KCNQ1OT1: variants seen among roughly 807,000 people sequenced by gnomAD.
KCNQ1OT1 encodes the protein KCNQ1 antisense RNA 2 (non-protein coding).
At position 2,658,802 on chromosome 11, in the gene KCNQ1OT1, C is replaced by T. The variant is rs1849898288; in HGVS notation, n.41193G>A. The T allele has an allele frequency of 2.5e-6, 1 of 398,426 alleles. No homozygotes were observed. The highest frequency in any genetic ancestry group is 2.1e-5 in the African/African-American group (1 of 48,594). The allele number at this position is 398,426 out of a possible 1,614,324, so 24.7% of individuals were successfully genotyped here. A position where few individuals can be genotyped will look rare whatever the true frequency, so the allele number is the denominator to read the frequency against. ...GACCAGAGTTCATCCTTGCCCCCTC[C>T]CCCACAACTTATTTATAGCTTTTTC... On this transcript the variant is annotated non_coding_transcript_exon_variant, in exon 1 of 1. Coordinates refer to ENST00000597346, the Ensembl canonical transcript of KCNQ1OT1. This position sits in a 1 kb window ranked among gnomAD's most constrained non-coding sequence, Gnocchi z 4.9.
rs961069845 is a variant in KCNQ1OT1, at chr11:2,654,206, A to G, written n.45789T>C. ...GGGCTGCGGCTCAGCAATGTCACGCAGGGCCTGGCTGCAGCTGTCCGGATG... is the reference window on the plus strand; with the variant it reads ...GGGCTGCGGCTCAGCAATGTCACGCGGGGCCTGGCTGCAGCTGTCCGGATG... On this transcript the variant is annotated non_coding_transcript_exon_variant, in exon 1 of 1. Coordinates refer to ENST00000597346, the Ensembl canonical transcript of KCNQ1OT1. This position sits in a 1 kb window ranked among gnomAD's most constrained non-coding sequence, Gnocchi z 6.4. 3.3e-5 allele frequency: 13 copies of G among 398,582 alleles called. No individual in the cohort carries two copies. Among genetic ancestry groups the G allele is most frequent in the Middle Eastern group, 6.2e-4 (1 of 1,610 alleles). The allele number at this position is 398,582 out of a possible 1,614,324, so 24.7% of individuals were successfully genotyped here.
exon 1 of KCNQ1OT1, chr11:2,615,764 A>G: frequency 5.0e-6 from 2 of 398,046 alleles, no homozygotes; most frequent in Non-Finnish European, 8.9e-6. Context: ...CCTTTTTAAT[A>G]TGCTGCTGAA....
At position 2,677,856 on chromosome 11, in the gene KCNQ1OT1, C is replaced by A. The variant is rs1850321224; in HGVS notation, n.22139G>T. 2.5e-6 allele frequency: 1 copy of A among 398,360 alleles called. No individual in the cohort carries two copies. The highest frequency in any genetic ancestry group is 4.4e-5 in the Admixed American group (1 of 22,714). 24.7% of individuals were successfully genotyped at this position (398,360 alleles called of 1,614,324 possible). A position where few individuals can be genotyped will look rare whatever the true frequency, so the allele number is the denominator to read the frequency against. On this transcript the variant is annotated non_coding_transcript_exon_variant, in exon 1 of 1. Transcript: ENST00000597346. This position sits in a 1 kb window ranked among gnomAD's most constrained non-coding sequence, Gnocchi z 4.5. ...CAAATAAGGGCTGTACCATTTACAT[C>A]ACTTTGACTGCACAAATGCACTTTC... is the stretch of plus-strand genomic sequence containing the variant.
exon 1 of KCNQ1OT1, chr11:2,680,302 T>C (rs890034780): frequency 5.3e-6 from 2 of 380,444 alleles, no homozygotes; most frequent in Non-Finnish European, 4.5e-6. Flanking sequence ...GATTAACTGA[T>C]GAAGAATTGC....
chr11:2,623,455 A>G lies in KCNQ1OT1; in HGVS notation n.76540T>C. Reference sequence around the variant, plus strand: ...TCTTCCCCAACAACCCTTGGCAACCACTGAACTTTTTACTGCCTCCATAGC... The same window carrying G: ...TCTTCCCCAACAACCCTTGGCAACCGCTGAACTTTTTACTGCCTCCATAGC... On this transcript the variant is annotated non_coding_transcript_exon_variant, in exon 1 of 1. Coordinates refer to ENST00000597346, the Ensembl canonical transcript of KCNQ1OT1. The surrounding 1 kb of genome is among the most constrained non-coding windows in gnomAD (Gnocchi z 5.2). 2.5e-6 allele frequency: 1 copy of G among 398,548 alleles called. No homozygotes were observed. The highest frequency in any genetic ancestry group is 4.4e-6 in the Non-Finnish European group (1 of 226,046). The allele number at this position is 398,548 out of a possible 1,614,324, so 24.7% of individuals were successfully genotyped here.
At position 2,698,604 on chromosome 11, in the gene KCNQ1OT1, A is replaced by C; in HGVS notation, n.1391T>G. The stretch of plus-strand genomic sequence containing the variant: ...CACCTAGAGGCAGAACTTCGACTTC[A>C]ATTCCTGACTCCCATACCCCACTGA... On this transcript the variant is annotated non_coding_transcript_exon_variant, in exon 1 of 1. Coordinates refer to ENST00000597346, the Ensembl canonical transcript of KCNQ1OT1. This position sits in a 1 kb window ranked among gnomAD's most constrained non-coding sequence, Gnocchi z 5.1. The C allele has an allele frequency of 2.5e-6, 1 of 397,962 alleles. No homozygotes were observed. The highest frequency in any genetic ancestry group is 1.3e-4 in the South Asian group (1 of 7,814). The allele number at this position is 397,962 out of a possible 1,614,324, so 24.7% of individuals were successfully genotyped here.
exon 1 of KCNQ1OT1, chr11:2,694,989 G>A: frequency 2.5e-6 from 1 of 398,736 alleles, no homozygotes. Context: ...AAGGCTGGCA[G>A]AGCCAAAGCT....
At position 2,683,494 on chromosome 11, in the gene KCNQ1OT1, C is replaced by A; in HGVS notation, n.16501G>T. On this transcript the variant is annotated non_coding_transcript_exon_variant, in exon 1 of 1. Transcript: ENST00000597346. The surrounding 1 kb of genome is among the most constrained non-coding windows in gnomAD (Gnocchi z 4.7). ...TGACAGTTTTCCTATTAAAACATAA[C>A]TTGTTAAAGCATAGAGCTTAGTTCA... 2.5e-6 allele frequency: 1 copy of A among 398,560 alleles called. No individual in the cohort carries two copies. Among genetic ancestry groups the A allele is most frequent in the Non-Finnish European group, 4.4e-6 (1 of 226,036 alleles). The allele number at this position is 398,560 out of a possible 1,614,324, so 24.7% of individuals were successfully genotyped here. A position where few individuals can be genotyped will look rare whatever the true frequency, so the allele number is the denominator to read the frequency against.
chr11:2,656,471 TC>T, exon 1 of KCNQ1OT1: 1 of 398,712 alleles, frequency 2.5e-6, no homozygotes. Flanking sequence ...CTGCTGGAAG[TC>T]TGCCACTCGC....
chr11:2,658,961 T>C lies in KCNQ1OT1; in HGVS notation n.41034A>G. ...GAGTGTTTAGGACAGACTTTTGCTT[T>C]AACCATAGAGTGTCCAGTCAAAACA... is the stretch of plus-strand genomic sequence containing the variant. On this transcript the variant is annotated non_coding_transcript_exon_variant, in exon 1 of 1. Coordinates refer to ENST00000597346, the Ensembl canonical transcript of KCNQ1OT1. The surrounding 1 kb of genome is among the most constrained non-coding windows in gnomAD (Gnocchi z 4.9). The C allele has an allele frequency of 7.5e-6, 3 of 398,598 alleles. No homozygotes were observed. Among genetic ancestry groups the C allele is most frequent in the Non-Finnish European group, 8.8e-6 (2 of 226,040 alleles). 24.7% of individuals were successfully genotyped at this position (398,598 alleles called of 1,614,324 possible).
In KCNQ1OT1 at chr11:2,612,428, T is replaced by G. The variant is rs1848996724; in HGVS notation, n.87567A>C. Reference sequence around the variant, plus strand: ...GTATCCAATGGGTATCTCTTCATTTTTCTTCATTATTTTTCTTTCTATTCT... The same window carrying G: ...GTATCCAATGGGTATCTCTTCATTTGTCTTCATTATTTTTCTTTCTATTCT... On this transcript the variant is annotated non_coding_transcript_exon_variant, in exon 1 of 1. Coordinates refer to ENST00000597346, the Ensembl canonical transcript of KCNQ1OT1. The surrounding 1 kb of genome is among the most constrained non-coding windows in gnomAD (Gnocchi z 5.5). 5.0e-6 allele frequency: 2 copies of G among 398,520 alleles called. No individual in the cohort carries two copies. The highest frequency in any genetic ancestry group is 8.8e-6 in the Non-Finnish European group (2 of 226,076). 24.7% of individuals were successfully genotyped at this position (398,520 alleles called of 1,614,324 possible). A position where few individuals can be genotyped will look rare whatever the true frequency, so the allele number is the denominator to read the frequency against.
chr11:2,613,529 C>T lies in KCNQ1OT1; in HGVS notation n.86466G>A, dbSNP rs544927222. 23 of 398,450 alleles carry T rather than the reference C, an allele frequency of 5.8e-5. No homozygotes were observed. The highest frequency in any genetic ancestry group is 1.3e-3 in the Middle Eastern group (2 of 1,588). 24.7% of individuals were successfully genotyped at this position (398,450 alleles called of 1,614,324 possible). A position where few individuals can be genotyped will look rare whatever the true frequency, so the allele number is the denominator to read the frequency against. On this transcript the variant is annotated non_coding_transcript_exon_variant, in exon 1 of 1. Coordinates refer to ENST00000597346, the Ensembl canonical transcript of KCNQ1OT1. This position sits in a 1 kb window ranked among gnomAD's most constrained non-coding sequence, Gnocchi z 4.8. The stretch of plus-strand genomic sequence containing the variant: ...CTTGGGTGGGGAGATGGCAGCCCCA[C>T]GTTAAATCATAACCCTGCTATTCTT...
rs1254556236 is a variant in KCNQ1OT1 at position 2,669,464 on chromosome 11, G to A, written n.30531C>T. ...TTTACCTTGCCCTGTAGTTTTCAGT[G>A]TGGTGGTCATGAACAGCTTGTCAGA... On this transcript the variant is annotated non_coding_transcript_exon_variant, in exon 1 of 1. Coordinates refer to ENST00000597346, the Ensembl canonical transcript of KCNQ1OT1. The surrounding 1 kb of genome is among the most constrained non-coding windows in gnomAD (Gnocchi z 5.6). 2.5e-5 allele frequency: 10 copies of A among 398,522 alleles called. No individual in the cohort carries two copies. Among genetic ancestry groups the A allele is most frequent in the Non-Finnish European group, 4.4e-5 (10 of 226,090 alleles). 24.7% of individuals were successfully genotyped at this position (398,522 alleles called of 1,614,324 possible).
rs896642447 is a variant in KCNQ1OT1, at chr11:2,643,204, A to G, written n.56791T>C. ...TGGTATAAAGTGCAGTTTAAATCCA[A>G]TGTTTCTTTGTTAATTTTTTGTCTA... On this transcript the variant is annotated non_coding_transcript_exon_variant, in exon 1 of 1. Transcript: ENST00000597346. 16 of 398,150 alleles carry G rather than the reference A, an allele frequency of 4.0e-5. No individual in the cohort carries two copies. The South Asian group carries it at 5.1e-4, about 13-fold the overall frequency. 24.7% of individuals were successfully genotyped at this position (398,150 alleles called of 1,614,324 possible). A position where few individuals can be genotyped will look rare whatever the true frequency, so the allele number is the denominator to read the frequency against.
At chr11:2,680,471 ATTT>A in exon 1 of KCNQ1OT1, 1 of 397,664 alleles carries the variant, frequency 2.5e-6, no homozygotes, top group Non-Finnish European at 4.4e-6. Flanking sequence ...AGGACTACTG[ATTT>A]TTTTTTAATT....
chr11:2,692,027 A>G, exon 1 of KCNQ1OT1: 1 of 398,632 alleles, frequency 2.5e-6, no homozygotes, highest in Non-Finnish European at 4.4e-6. Context: ...ACCACCTGTG[A>G]GGCCCTGACC....
In KCNQ1OT1 at chr11:2,668,541, A is replaced by G. The variant is rs779242029; in HGVS notation, n.31454T>C. ...GATTTTAATTTGCAGTAACCTGTTGACTAATGAAGTTGAGTCCCTTTCCAT... is the reference window on the plus strand; with the variant it reads ...GATTTTAATTTGCAGTAACCTGTTGGCTAATGAAGTTGAGTCCCTTTCCAT... On this transcript the variant is annotated non_coding_transcript_exon_variant, in exon 1 of 1. Transcript: ENST00000597346. This position sits in a 1 kb window ranked among gnomAD's most constrained non-coding sequence, Gnocchi z 4.3. The G allele has an allele frequency of 9.5e-5, 38 of 398,524 alleles. No individual in the cohort carries two copies. Among genetic ancestry groups the G allele is most frequent in the Non-Finnish European group, 1.5e-4 (34 of 226,072 alleles). 24.7% of individuals were successfully genotyped at this position (398,524 alleles called of 1,614,324 possible).
At chr11:2,634,452 G>C (rs1244889826) in exon 1 of KCNQ1OT1, 1 of 160,850 alleles carries the variant, frequency 6.2e-6, no homozygotes, top group Non-Finnish European at 1.3e-5. Context: ...TCTTGCTATA[G>C]TTTGCTGAGA....
chr11:2,663,515 C>G lies in KCNQ1OT1; in HGVS notation n.36480G>C. The G allele has an allele frequency of 5.0e-6, 2 of 398,626 alleles. No individual in the cohort carries two copies. Among genetic ancestry groups the G allele is most frequent in the Non-Finnish European group, 8.8e-6 (2 of 226,082 alleles). The allele number at this position is 398,626 out of a possible 1,614,324, so 24.7% of individuals were successfully genotyped here. ...ACAGGTGGCAGTGCCTGTATTGCCT[C>G]TTGGCTGTCCCCTCAGAGAGGGGAC... is the stretch of plus-strand genomic sequence containing the variant. On this transcript the variant is annotated non_coding_transcript_exon_variant, in exon 1 of 1. Coordinates refer to ENST00000597346, the Ensembl canonical transcript of KCNQ1OT1. The surrounding 1 kb of genome is among the most constrained non-coding windows in gnomAD (Gnocchi z 5.2).
Sources: gnomAD v4.1 joint callset for allele counts on GRCh38, gnomAD v4.1.1 for gene constraint, Gnocchi (gnomAD v3.1) non-coding constraint, MANE v1.5 for transcripts, NCBI Gene and HGNC (gene_info 2026-07-23, HGNC 2026-07-21) for gene names.